MIS18A: variants seen among roughly 807,000 people sequenced by gnomAD.
MIS18A encodes the protein protein Mis18-alpha.
MIS18A carries 14 observed loss-of-function variants against 25.0 expected under a neutral mutation model. The observed-to-expected ratio is 0.56, with a 90% CI of 0.37 to 0.88. The LOEUF (loss-of-function observed/expected upper bound fraction) is 0.88. MIS18A is among the 40% of genes least tolerant of loss of function. The pLI is 0.00. For synonymous variants in MIS18A, 134 were observed against 118.6 expected (o/e 1.13, Z -0.84); for missense variants, 292 against 290.8 (o/e 1.00, Z -0.03).
At chr21:32,257,186 G>A in the MIS18A span, among the ~76,000 whole-genome samples, 1 of 152,196 alleles carries the variant, frequency 6.6e-6, no homozygotes, top group East Asian at 1.9e-4. Context: ...GAGAGGACAG[G>A]GGAACTTGAG....
the MIS18A span, among the ~76,000 whole-genome samples, chr21:32,179,953 C>G: frequency 6.6e-6 from 1 of 152,224 alleles, no homozygotes; most frequent in Non-Finnish European, 1.5e-5. Flanking sequence ...CCTAGGCTTT[C>G]TGACAGCTCT....
Position 32,270,467 on chromosome 21 carries a change from G to T in MIS18A, c.464C>A (p.Thr155Lys). ...SLNLGYVYRC[T>K]PKNLDYKRDL... ...TCTCTTGTAATCAAGATTCTTGGGC[G>T]TGCATCTGTACACGTAGCCAAGATT... Residue 155 changes from threonine to lysine, a missense_variant, in exon 3 of 5, where the codon ACG (threonine) becomes AAG (lysine). Thr to Lys is a moderately conservative substitution (Grantham distance 78, BLOSUM62 -1). Transcript: ENST00000290130. 1 of 1,612,658 alleles carries T rather than the reference G, an allele frequency of 6.2e-7. No individual in the cohort carries two copies. The highest frequency in any genetic ancestry group is 8.5e-7 in the Non-Finnish European group (1 of 1,179,412).
the MIS18A span, among the ~76,000 whole-genome samples, chr21:32,181,597 T>C: frequency 6.6e-6 from 1 of 152,110 alleles, no homozygotes; most frequent in Non-Finnish European, 1.5e-5. Context: ...CCAGGGAAAC[T>C]GCCCCGCCTG....
At chr21:32,264,480 T>C (rs2031558607), downstream of MIS18A, among the ~76,000 whole-genome samples, 1 of 152,252 alleles carries the variant, frequency 6.6e-6, no homozygotes, top group Admixed American at 6.5e-5. Context: ...TATGATGTTT[T>C]ACTGCTTTCA....
the MIS18A span, among the ~76,000 whole-genome samples, chr21:32,159,645 C>A: frequency 3.3e-5 from 5 of 152,248 alleles, no homozygotes; most frequent in South Asian, 1.0e-3. Flanking sequence ...TGTGGTTGGG[C>A]TACAGCTTGG....
At chr21:32,181,135 C>CA in the MIS18A span, among the ~76,000 whole-genome samples, 1 of 152,128 alleles carries the variant, frequency 6.6e-6, no homozygotes, top group African/African-American at 2.4e-5. Flanking sequence ...CTGAGTAGAA[C>CA]AAAAAAGCAG....
chr21:32,241,748 A>G, the MIS18A span, among the ~76,000 whole-genome samples: 2 of 152,188 alleles, frequency 1.3e-5, no homozygotes, highest in South Asian at 4.1e-4. Context: ...AAGCGGTAAC[A>G]TTTCACTATA....
chr21:32,276,460 C>CAAAAA lies in MIS18A; in HGVS notation c.335-1569_335-1565dup, dbSNP rs558102501. On this transcript the variant is annotated intron_variant, in intron 1 of 4. Coordinates refer to ENST00000290130, the MANE Select transcript of MIS18A (RefSeq NM_018944.3). Reference sequence around the variant, plus strand: ...TGGGCAACACAGTGAGACTCTGTCTCAAAAAAAAAAAAAAAAAAAAAAAAA... The same window carrying CAAAAA: ...TGGGCAACACAGTGAGACTCTGTCTCAAAAAAAAAAAAAAAAAAAAAAAAAAAAAA... Among the ~76,000 whole-genome samples, 76 of 72,716 alleles carry CAAAAA rather than the reference C, an allele frequency of 1.0e-3. 4 individuals are homozygous for CAAAAA. The highest frequency in any genetic ancestry group is 9.8e-3 in the Middle Eastern group (1 of 102). 47.7% of individuals were successfully genotyped at this position (72,716 alleles called of 152,430 possible).
chr21:32,184,089 G>A, the MIS18A span, among the ~76,000 whole-genome samples: 2 of 152,160 alleles, frequency 1.3e-5, no homozygotes, highest in South Asian at 4.1e-4. Flanking sequence ...CCTGACTCCT[G>A]TTAAAGTGGC....
the MIS18A span, among the ~76,000 whole-genome samples, chr21:32,195,316 T>C: frequency 6.6e-6 from 1 of 152,212 alleles, no homozygotes; most frequent in African/African-American, 2.4e-5. Context: ...ATGTGGCCTA[T>C]GTGCGTCATT....
chr21:32,210,551 C>T, the MIS18A span, among the ~76,000 whole-genome samples: 43 of 152,122 alleles, frequency 2.8e-4, no homozygotes, highest in Non-Finnish European at 8.8e-5. Context: ...TAATGTGCCT[C>T]CTCCCCATTG....
chr21:32,259,528 T>C, the MIS18A span, among the ~76,000 whole-genome samples: 1 of 152,176 alleles, frequency 6.6e-6, no homozygotes, highest in African/African-American at 2.4e-5. Context: ...GAAGCAACCA[T>C]TCCAGGACGG....
chr21:32,187,989 A>G, the MIS18A span, among the ~76,000 whole-genome samples: 2 of 134,012 alleles, frequency 1.5e-5, no homozygotes, highest in African/African-American at 6.2e-5. Context: ...GAGAGACCAA[A>G]GAGCTCCCTT....
the MIS18A span, among the ~76,000 whole-genome samples, chr21:32,218,506 G>T: frequency 6.6e-6 from 1 of 152,094 alleles, no homozygotes; most frequent in African/African-American, 2.4e-5. Context: ...ATGCAATTTG[G>T]ATAATAAAAG....
chr21:32,228,936 A>G, the MIS18A span, among the ~76,000 whole-genome samples: 3 of 152,218 alleles, frequency 2.0e-5, no homozygotes, highest in African/African-American at 7.2e-5. Context: ...ATGAAAAAAA[A>G]TCACCTATAT....
chr21:32,247,821 C>CA, the MIS18A span, among the ~76,000 whole-genome samples: 1 of 152,180 alleles, frequency 6.6e-6, no homozygotes, highest in African/African-American at 2.4e-5. Flanking sequence ...TGTGTCTAAA[C>CA]AAAGCCCAGT....
the MIS18A span, among the ~76,000 whole-genome samples, chr21:32,199,504 CT>C: frequency 6.6e-6 from 1 of 152,236 alleles, no homozygotes; most frequent in East Asian, 1.9e-4. Context: ...GCCCTAGCAG[CT>C]TGTTAGAAAT....
At chr21:32,250,598 C>A in the MIS18A span, among the ~76,000 whole-genome samples, 1 of 152,210 alleles carries the variant, frequency 6.6e-6, no homozygotes, top group Non-Finnish European at 1.5e-5. Context: ...CTGAGGAACT[C>A]TCAGACCTTC....
At chr21:32,214,385 C>T in the MIS18A span, among the ~76,000 whole-genome samples, 34 of 152,140 alleles carry the variant, frequency 2.2e-4, no homozygotes, top group South Asian at 8.3e-4. Context: ...CTTGGAGAGG[C>T]GAGAGCTGGG....
Sources: allele counts gnomAD v4.1 joint callset (sites outside exome capture counted in the v4.1 genomes callset), GRCh38; gene constraint gnomAD v4.1.1; transcripts MANE v1.5; gene names NCBI Gene and HGNC (gene_info 2026-07-23, HGNC 2026-07-21).